DCAF4L1: variants seen among roughly 807,000 people sequenced by gnomAD.
DCAF4L1 encodes DDB1 and CUL4 associated factor 4 like 1, also known as DDB1- and CUL4-associated factor 4-like protein 1.
DCAF4L1 carries 4 observed loss-of-function variants against 28.2 expected under a neutral mutation model. The ratio of observed to expected loss-of-function variants is 0.14; its 90% CI spans 0.07 to 0.33. The LOEUF (loss-of-function observed/expected upper bound fraction) is 0.33, where lower values mean the gene tolerates loss of function less well. DCAF4L1 is among the 10% of genes least tolerant of loss of function. DCAF4L1 has a pLI of 1.00. For missense variants in DCAF4L1, 331 were observed against 506.1 expected (o/e 0.65, Z 3.32); for synonymous variants, 252 against 212.1 (o/e 1.19, Z -1.63).
rs1250773952 is a variant in DCAF4L1, at chr4:41,984,424, GAAA to G, written c.*1445_*1447del. On this transcript the variant is annotated 3_prime_UTR_variant, in exon 1 of 1. Coordinates refer to ENST00000333141, the MANE Select transcript of DCAF4L1 (RefSeq NM_001029955.4). ...GATGAGAGTAAACTAGAAAGTGAAA[GAAA>G]AAAGGATGGCAGCTTTTTTTTTTTT... 6.8e-6 allele frequency: 1 copy of G among 146,022 alleles called. No homozygotes were observed. The highest frequency in any genetic ancestry group is 1.6e-5 in the Non-Finnish European group (1 of 63,034). The allele number at this position is 146,022 out of a possible 1,614,324, so 9.0% of individuals were successfully genotyped here.
At position 41,985,551 on chromosome 4, in the gene DCAF4L1, C is replaced by CT. The variant is rs1255313861; in HGVS notation, c.*2569dup. 4.2e-5 allele frequency: 7 copies of CT among 167,090 alleles called. No individual in the cohort carries two copies. The highest frequency in any genetic ancestry group is 1.0e-4 in the Non-Finnish European group (7 of 68,116). 10.4% of individuals were successfully genotyped at this position (167,090 alleles called of 1,614,324 possible). On this transcript the variant is annotated 3_prime_UTR_variant, in exon 1 of 1. Transcript: ENST00000333141. The stretch of plus-strand genomic sequence containing the variant: ...TGCTAAAGCTAGAAGTTTGCATACT[C>CT]TATGACCCAGTCATTTCAGTCCTAG...
Position 41,982,993 on chromosome 4 carries a change from T to A in DCAF4L1, c.*10T>A. ...TTTCCCCTTCAGCTAATTCTGCAGG[T>A]GGCAGCGCGGCCGAATGTGGATTTG... On this transcript the variant is annotated 3_prime_UTR_variant, in exon 1 of 1. Transcript: ENST00000333141. The surrounding 1 kb of genome is among the most constrained non-coding windows in gnomAD (Gnocchi z 4.4). The A allele has an allele frequency of 1.9e-6, 3 of 1,585,132 alleles. No homozygotes were observed. Among genetic ancestry groups the A allele is most frequent in the Non-Finnish European group, 2.6e-6 (3 of 1,165,828 alleles).
In DCAF4L1 at chr4:41,985,307, T is replaced by C. The variant is rs1254946196; in HGVS notation, c.*2324T>C. On this transcript the variant is annotated 3_prime_UTR_variant, in exon 1 of 1. Coordinates refer to ENST00000333141, the MANE Select transcript of DCAF4L1 (RefSeq NM_001029955.4). The stretch of plus-strand genomic sequence containing the variant: ...AAAGAGGAGATCCAAATGGCTAATA[T>C]ACATTTGAAAAGGCATCCAACTTCT... 1 of 167,014 alleles carries C rather than the reference T, an allele frequency of 6.0e-6. No homozygotes were observed. The highest frequency in any genetic ancestry group is 2.4e-5 in the African/African-American group (1 of 41,452). The allele number at this position is 167,014 out of a possible 1,614,324, so 10.3% of individuals were successfully genotyped here.
Position 41,982,497 on chromosome 4 carries a change from G to A in DCAF4L1, c.705G>A (p.Thr235=), listed in dbSNP as rs1457672808. The change falls in exon 1 of 1, where the codon ACG becomes ACA. Residue 235 remains threonine (T), a synonymous_variant. Coordinates refer to ENST00000333141, the MANE Select transcript of DCAF4L1 (RefSeq NM_001029955.4). This position sits in a 1 kb window ranked among gnomAD's most constrained non-coding sequence, Gnocchi z 4.4. ...TCTTGGCCCAGCAGTTTGCTAGTAC[G>A]GCTCCTTTGCTGTTTAATGGCTGTC... is the stretch of plus-strand genomic sequence containing the variant. ...SDVLAQQFAS[T]APLLFNGCRS... is the part of the protein sequence containing the mutation. 1.2e-5 allele frequency: 19 copies of A among 1,614,084 alleles called. No homozygotes were observed. Among genetic ancestry groups the A allele is most frequent in the African/African-American group, 4.0e-5 (3 of 74,922 alleles).
Position 41,982,367 on chromosome 4 carries a change from T to C in DCAF4L1, c.575T>C (p.Leu192Pro). ...GAGGCCTGGTCCTGTGCGTGGTCCC[T>C]CAACACCCGGGCATATCACTGCTTT... Reference protein sequence around the residue: ...IPEAWSCAWSLNTRAYHCFSA... With the variant: ...IPEAWSCAWSPNTRAYHCFSA... Residue 192 changes from leucine to proline, a missense_variant, in exon 1 of 1, where the codon CTC becomes CCC. Coordinates refer to ENST00000333141, the MANE Select transcript of DCAF4L1 (RefSeq NM_001029955.4). This position sits in a 1 kb window ranked among gnomAD's most constrained non-coding sequence, Gnocchi z 4.4. 6.2e-7 allele frequency: 1 copy of C among 1,614,210 alleles called. No individual in the cohort carries two copies. Among genetic ancestry groups the C allele is most frequent in the African/African-American group, 1.3e-5 (1 of 75,056 alleles).
Position 41,982,311 on chromosome 4 carries a change from G to A in DCAF4L1, c.519G>A (p.Gln173=). Residue 173 remains glutamine, a synonymous_variant, in exon 1 of 1, where the codon CAG becomes CAA. Coordinates refer to ENST00000333141, the MANE Select transcript of DCAF4L1 (RefSeq NM_001029955.4). This position sits in a 1 kb window ranked among gnomAD's most constrained non-coding sequence, Gnocchi z 4.4. ...RFLSVHTRVN[Q]PGMLCSFQIP... is the part of the protein sequence containing the mutation. Reference sequence around the variant, plus strand: ...TAAGTGTTCACACAAGAGTTAACCAGCCTGGCATGCTCTGCAGTTTCCAGA... The same window carrying A: ...TAAGTGTTCACACAAGAGTTAACCAACCTGGCATGCTCTGCAGTTTCCAGA... The A allele has an allele frequency of 6.2e-7, 1 of 1,614,206 alleles. No homozygotes were observed. Among genetic ancestry groups the A allele is most frequent in the East Asian group, 2.2e-5 (1 of 44,882 alleles).
rs199928354 is a variant in DCAF4L1 at position 41,981,894 on chromosome 4, A to G, written c.102A>G (p.Leu34=). 5 of 1,614,224 alleles carry G rather than the reference A, an allele frequency of 3.1e-6. No homozygotes were observed. The East Asian group carries it at 6.7e-5, about 22-fold the overall frequency. The change falls in exon 1 of 1, where the codon CTA becomes CTG. Residue 34 remains leucine, a synonymous_variant. Coordinates refer to ENST00000333141, the MANE Select transcript of DCAF4L1 (RefSeq NM_001029955.4). ...CTTCCATGCTCCGAAAAAGCCAGCT[A>G]GGTTTCCTCAACGTCACCAGTTACT... ...NASSMLRKSQ[L]GFLNVTSYSR...
At position 41,982,930 on chromosome 4, in the gene DCAF4L1, C is replaced by G; in HGVS notation, c.1138C>G (p.Pro380Ala). 6.2e-7 allele frequency: 1 copy of G among 1,614,046 alleles called. No homozygotes were observed. The highest frequency in any genetic ancestry group is 8.5e-7 in the Non-Finnish European group (1 of 1,179,946). ...GCTCGGGGGCATCCGGGGAGCAGCA[C>G]CAGGGCTGCTCATGGCTGTCCGGCA... is the stretch of plus-strand genomic sequence containing the variant. ...SRLGGIRGAA[P>A]GLLMAVRQDL... is the part of the protein sequence containing the mutation. The change falls in exon 1 of 1, where the codon CCA (proline) becomes GCA (alanine). Residue 380 changes from proline (P) to alanine (A), a missense_variant. Pro to Ala is a conservative substitution (Grantham distance 27). Transcript: ENST00000333141. This position sits in a 1 kb window ranked among gnomAD's most constrained non-coding sequence, Gnocchi z 4.4.
Position 41,982,484 on chromosome 4 carries a change from A to T in DCAF4L1, c.692A>T (p.Gln231Leu), listed in dbSNP as rs1354873085. Reference protein sequence around the residue: ...FDTSSDVLAQQFASTAPLLFN... With the variant: ...FDTSSDVLAQLFASTAPLLFN... ...ACCAGCAGTGATGTCTTGGCCCAGC[A>T]GTTTGCTAGTACGGCTCCTTTGCTG... The change falls in exon 1 of 1, where the codon CAG (glutamine) becomes CTG (leucine). Residue 231 changes from glutamine (Q) to leucine (L), a missense_variant. Transcript: ENST00000333141. This position sits in a 1 kb window ranked among gnomAD's most constrained non-coding sequence, Gnocchi z 4.4. 1 of 1,614,210 alleles carries T rather than the reference A, an allele frequency of 6.2e-7. No individual in the cohort carries two copies. Among genetic ancestry groups the T allele is most frequent in the Non-Finnish European group, 8.5e-7 (1 of 1,180,034 alleles).
At position 41,983,015 on chromosome 4, in the gene DCAF4L1, T is replaced by G; in HGVS notation, c.*32T>G. ...AGGTGGCAGCGCGGCCGAATGTGGA[T>G]TTGACTTAAGGAAGTTAAGAGTATC... On this transcript the variant is annotated 3_prime_UTR_variant, in exon 1 of 1. Transcript: ENST00000333141. 1 of 1,555,382 alleles carries G rather than the reference T, an allele frequency of 6.4e-7. No individual in the cohort carries two copies. Among genetic ancestry groups the G allele is most frequent in the Non-Finnish European group, 8.7e-7 (1 of 1,147,452 alleles).
chr4:41,986,413 TAATA>T lies in DCAF4L1; in HGVS notation c.*3431_*3434del, dbSNP rs1210930936. The T allele has an allele frequency of 3.0e-5, 5 of 167,020 alleles. No homozygotes were observed. The highest frequency in any genetic ancestry group is 2.9e-5 in the Non-Finnish European group (2 of 68,130). 10.3% of individuals were successfully genotyped at this position (167,020 alleles called of 1,614,324 possible). A position where few individuals can be genotyped will look rare whatever the true frequency, so the allele number is the denominator to read the frequency against. On this transcript the variant is annotated 3_prime_UTR_variant, in exon 1 of 1. Coordinates refer to ENST00000333141, the MANE Select transcript of DCAF4L1 (RefSeq NM_001029955.4). ...GTGATAATTGTTAGAGCTATGCCCTTAATATATGTCTTGTGTGTATTATACTTCA... is the reference window on the plus strand; with the variant it reads ...GTGATAATTGTTAGAGCTATGCCCTTTATGTCTTGTGTGTATTATACTTCA...
Position 41,983,207 on chromosome 4 carries a change from T to A in DCAF4L1, c.*224T>A. 1 of 512,334 alleles carries A rather than the reference T, an allele frequency of 2.0e-6. No individual in the cohort carries two copies. Among genetic ancestry groups the A allele is most frequent in the South Asian group, 2.8e-5 (1 of 35,632 alleles). The allele number at this position is 512,334 out of a possible 1,614,324, so 31.7% of individuals were successfully genotyped here. On this transcript the variant is annotated 3_prime_UTR_variant, in exon 1 of 1. Coordinates refer to ENST00000333141, the MANE Select transcript of DCAF4L1 (RefSeq NM_001029955.4). ...GAAAGTCCTTTTCATAAAAGGTACC[T>A]GTTTCCTCTTGTTGAATGCCTTAGA...
At position 41,985,506 on chromosome 4, in the gene DCAF4L1, C is replaced by A. The variant is rs1019021797; in HGVS notation, c.*2523C>A. 4.8e-5 allele frequency: 8 copies of A among 167,072 alleles called. No homozygotes were observed. Among genetic ancestry groups the A allele is most frequent in the African/African-American group, 1.9e-4 (8 of 41,432 alleles). 10.3% of individuals were successfully genotyped at this position (167,072 alleles called of 1,614,324 possible). On this transcript the variant is annotated 3_prime_UTR_variant, in exon 1 of 1. Transcript: ENST00000333141. ...ACTGTTGAGTGTATACTGGTACAAGCACTTGGAAAAGTTAGTAATTGCTAA... is the reference window on the plus strand; with the variant it reads ...ACTGTTGAGTGTATACTGGTACAAGAACTTGGAAAAGTTAGTAATTGCTAA...
chr4:41,982,713 G>A lies in DCAF4L1; in HGVS notation c.921G>A (p.Gln307=). 4.3e-6 allele frequency: 7 copies of A among 1,614,230 alleles called. No homozygotes were observed. The highest frequency in any genetic ancestry group is 5.9e-6 in the Non-Finnish European group (7 of 1,180,050). The change falls in exon 1 of 1, where the codon CAG becomes CAA. Residue 307 remains glutamine, a synonymous_variant. Coordinates refer to ENST00000333141, the MANE Select transcript of DCAF4L1 (RefSeq NM_001029955.4). The surrounding 1 kb of genome is among the most constrained non-coding windows in gnomAD (Gnocchi z 4.4). The stretch of plus-strand genomic sequence containing the variant: ...TGAGGGCCACTAAATGTGTAAGGCA[G>A]TACGAAGGTCACGTGAATGAGTCCG... The part of the protein sequence containing the change: ...WDLRATKCVR[Q]YEGHVNESAY...
In DCAF4L1 at chr4:41,985,074, T is replaced by G. The variant is rs1208102683; in HGVS notation, c.*2091T>G. On this transcript the variant is annotated 3_prime_UTR_variant, in exon 1 of 1. Coordinates refer to ENST00000333141, the MANE Select transcript of DCAF4L1 (RefSeq NM_001029955.4). ...AATTAATGAAGAAAAGACATTGCAA[T>G]CATTCAGTAAGAACTAGCTGCAGAC... The G allele has an allele frequency of 6.0e-6, 1 of 166,854 alleles. No homozygotes were observed. Among genetic ancestry groups the G allele is most frequent in the East Asian group, 1.9e-4 (1 of 5,196 alleles). The allele number at this position is 166,854 out of a possible 1,614,324, so 10.3% of individuals were successfully genotyped here.
In DCAF4L1 at chr4:41,981,826, G is replaced by A; in HGVS notation, c.34G>A (p.Glu12Lys). Reference protein sequence around the residue: ...EAERLRLLEEEAKLKKVARMG... With the variant: ...EAERLRLLEEKAKLKKVARMG... ...TGAAAGGCTGCGACTCCTCGAGGAA[G>A]AGGCCAAGCTGAAAAAGGTAGCCAG... is the stretch of plus-strand genomic sequence containing the variant. Residue 12 changes from glutamate (E) to lysine (K), a missense_variant, in exon 1 of 1, where the codon GAG becomes AAG. Transcript: ENST00000333141. 6.2e-7 allele frequency: 1 copy of A among 1,614,202 alleles called. No homozygotes were observed. The highest frequency in any genetic ancestry group is 2.2e-5 in the East Asian group (1 of 44,874).
chr4:41,982,645 C>T lies in DCAF4L1; in HGVS notation c.853C>T (p.Leu285=). The change falls in exon 1 of 1, where the codon CTG becomes TTG. Residue 285 remains leucine (L), a synonymous_variant. Transcript: ENST00000333141. This position sits in a 1 kb window ranked among gnomAD's most constrained non-coding sequence, Gnocchi z 4.4. ...SVQILQEEQC[L]MASDMTGKIK... The stretch of plus-strand genomic sequence containing the variant: ...GCAAATCCTCCAAGAAGAGCAATGC[C>T]TGATGGCATCAGACATGACTGGAAA... 6.2e-7 allele frequency: 1 copy of T among 1,614,226 alleles called. No homozygotes were observed. Among genetic ancestry groups the T allele is most frequent in the Non-Finnish European group, 8.5e-7 (1 of 1,180,036 alleles).
rs1714105608 is a variant in DCAF4L1 at position 41,984,977 on chromosome 4, A to G, written c.*1994A>G. 1.2e-5 allele frequency: 2 copies of G among 167,068 alleles called. No homozygotes were observed. The highest frequency in any genetic ancestry group is 2.9e-5 in the Non-Finnish European group (2 of 68,106). 10.3% of individuals were successfully genotyped at this position (167,068 alleles called of 1,614,324 possible). A position where few individuals can be genotyped will look rare whatever the true frequency, so the allele number is the denominator to read the frequency against. ...GTCTTAGATAATAAAACTAAATGAT[A>G]AAGTAGATACAGGGTTAAAGGATAT... On this transcript the variant is annotated 3_prime_UTR_variant, in exon 1 of 1. Transcript: ENST00000333141.
At position 41,982,074 on chromosome 4, in the gene DCAF4L1, C is replaced by G. The variant is rs148733297; in HGVS notation, c.282C>G (p.Val94=). The change falls in exon 1 of 1, where the codon GTC becomes GTG. Residue 94 remains valine, a synonymous_variant. Coordinates refer to ENST00000333141, the MANE Select transcript of DCAF4L1 (RefSeq NM_001029955.4). This position sits in a 1 kb window ranked among gnomAD's most constrained non-coding sequence, Gnocchi z 4.4. ...DQLFVVNQVE[V]EGSKYGIISL... ...TCTTCGTAGTGAACCAGGTCGAAGTCGAAGGCTCCAAGTACGGCATCATCA... is the reference window on the plus strand; with the variant it reads ...TCTTCGTAGTGAACCAGGTCGAAGTGGAAGGCTCCAAGTACGGCATCATCA... 6.2e-6 allele frequency: 10 copies of G among 1,614,058 alleles called. No individual in the cohort carries two copies. The African/African-American group carries it at 1.2e-4, about 19-fold the overall frequency.
Sources: allele counts gnomAD v4.1 joint callset, GRCh38; gene constraint gnomAD v4.1.1; non-coding constraint Gnocchi (gnomAD v3.1); transcripts MANE v1.5; gene names NCBI Gene and HGNC (gene_info 2026-07-23, HGNC 2026-07-21).